Variants in GLS2 observed in about 807,000 individuals in gnomAD.
GLS2 encodes the protein glutaminase 2.
In GLS2, 52 loss-of-function variants were observed where a neutral mutation model predicts 79.0. The ratio of observed to expected loss-of-function variants is 0.66; its 90% confidence interval spans 0.53 to 0.83. The LOEUF (loss-of-function observed/expected upper bound fraction) is 0.83, where lower values mean the gene tolerates loss of function less well. Ranked by LOEUF, GLS2 falls within the 40% of genes least tolerant of loss-of-function variation. GLS2 has a pLI of 0.00. For missense variants in GLS2, 561 were observed against 764.8 expected (o/e 0.73, Z 3.14); for synonymous variants, 238 against 280.8 (o/e 0.85, Z 1.52).
Position 56,473,225 on chromosome 12 carries a change from T to C in GLS2, c.1449+3A>G. ...CTTACAAGCCACCTGGAGTTTTCCT[T>C]ACCCGAATTTCTGCCCCTTCACGCC... On this transcript the variant is annotated splice_donor_region_variant and intron_variant, in intron 14 of 17. Transcript: ENST00000311966. 1 of 1,613,880 alleles carries C rather than the reference T, an allele frequency of 6.2e-7. No homozygotes were observed. Among genetic ancestry groups the C allele is most frequent in the Non-Finnish European group, 8.5e-7 (1 of 1,179,798 alleles).
intron 6 of GLS2, 33 bp from the exon 7 acceptor site, chr12:56,477,751 C>T (rs1215451038): frequency 6.3e-7 from 1 of 1,598,364 alleles, no homozygotes; most frequent in Non-Finnish European, 8.5e-7. Context: ...GAGTCTTAGC[C>T]ACTGAACAAA....
In GLS2 at chr12:56,471,555, G is replaced by A. The variant is rs115701548; in HGVS notation, c.1741C>T (p.Leu581Phe). The A allele has an allele frequency of 8.9e-5, 143 of 1,614,206 alleles. No homozygotes were observed. In the African/African-American group the frequency reaches 1.7e-3, roughly 19 times the overall value. The change falls in exon 18 of 18, where the codon CTC becomes TTC. Residue 581 changes from leucine to phenylalanine, a missense_variant. By Grantham distance (22) the Leu-to-Phe change is conservative (BLOSUM62 0). This residue lies in a region of GLS2 where 136 missense variants were observed against 228.6 expected (regional missense o/e 0.59). Transcript: ENST00000311966. ...LLQDYQDSYT[L>F]SETQAEAAAE... Reference sequence around the variant, plus strand: ...GCTGCCTCAGCCTGAGTTTCAGAGAGTGTGTAGGAGTCCTGGTAATCTTGA... The same window carrying A: ...GCTGCCTCAGCCTGAGTTTCAGAGAATGTGTAGGAGTCCTGGTAATCTTGA...
intron 3 of GLS2, chr12:56,479,413 A>G (rs925970711): frequency 2.5e-5 from 12 of 489,544 alleles, no homozygotes; most frequent in Non-Finnish European, 4.2e-5. Flanking sequence ...GAGAAAAAAA[A>G]TAAATACCAG....
In GLS2 at chr12:56,472,709, C is replaced by T. The variant is rs982516597; in HGVS notation, c.1492G>A (p.Asp498Asn). Residue 498 changes from aspartate to asparagine, a missense_variant, in exon 15 of 18, where the codon GAT (aspartate) becomes AAT (asparagine). Coordinates refer to ENST00000311966, the MANE Select transcript of GLS2 (RefSeq NM_013267.4). ...VNLLFAAYSG[D>N]VSALRRFALS... is the part of the protein sequence containing the mutation. ...CATTACCTTCGAAGAGCTGAGACAT[C>T]GCCACTATAGGCAGCAAATAACAGG... The T allele has an allele frequency of 1.3e-5, 21 of 1,613,568 alleles. No homozygotes were observed. Among genetic ancestry groups the T allele is most frequent in the Non-Finnish European group, 1.5e-5 (18 of 1,179,848 alleles).
chr12:56,472,587 T>C (rs1869389058), intron 15 of GLS2, 103 bp downstream of exon 15: 1 of 1,075,110 alleles, frequency 9.3e-7, no homozygotes, highest in East Asian at 2.4e-5. Context: ...ATATCCATTC[T>C]AATTCCAAAG....
chr12:56,479,876 G>A lies in GLS2; in HGVS notation c.308C>T (p.Thr103Ile), dbSNP rs764855962. ...GCAGTCTCGGAGCCGAGGATCTGAT[G>A]TCTGCAGTCCAGTGGCCTTTAGTGC... The part of the protein sequence containing the change: ...TTALKATGLQ[T>I]SDPRLRDCMS... Residue 103 changes from threonine to isoleucine, a missense_variant, in exon 3 of 18, where the codon ACA becomes ATA. This residue lies in a region of GLS2 where 161 missense variants were observed against 167.8 expected (regional missense o/e 0.96). Coordinates refer to ENST00000311966, the MANE Select transcript of GLS2 (RefSeq NM_013267.4). 4 of 1,613,292 alleles carry A rather than the reference G, an allele frequency of 2.5e-6. No individual in the cohort carries two copies. The highest frequency in any genetic ancestry group is 2.2e-5 in the South Asian group (2 of 91,034).
At chr12:56,472,094 C>T in intron 16 of GLS2, 25 bp downstream of exon 16, 2 of 1,610,634 alleles carry the variant, frequency 1.2e-6, no homozygotes, top group Non-Finnish European at 1.7e-6. Context: ...TTACCCTCCT[C>T]CTCCCCTCCT....
At chr12:56,478,508 T>C in intron 4 of GLS2, 3 of 495,412 alleles carry the variant, frequency 6.1e-6, no homozygotes, top group Non-Finnish European at 1.1e-5. Flanking sequence ...AGGAGAATTC[T>C]GAGGCAACCT....
chr12:56,473,733 C>T lies in GLS2; in HGVS notation c.1225-139G>A. 4 of 1,023,082 alleles carry T rather than the reference C, an allele frequency of 3.9e-6. No homozygotes were observed. In the South Asian group the frequency reaches 8.1e-5, roughly 21 times the overall value. The allele number at this position is 1,023,082 out of a possible 1,614,324, so 63.4% of individuals were successfully genotyped here. On this transcript the variant is annotated intron_variant, in intron 12 of 17. Transcript: ENST00000311966. ...CTCAACCTTTTGGCTTGTTAATTAG[C>T]TTCTTTTATTACTCCTGTCCTTTCC...
chr12:56,479,516 G>A, intron 3 of GLS2: 1 of 417,232 alleles, frequency 2.4e-6, no homozygotes, highest in African/African-American at 2.0e-5. Context: ...CAGTACATAG[G>A]ACATTATCTA....
Position 56,474,541 on chromosome 12 carries a change from C to T in GLS2, c.1224+3G>A, listed in dbSNP as rs961690705. On this transcript the variant is annotated splice_donor_region_variant and intron_variant, in intron 12 of 17. Transcript: ENST00000311966. ...CAGATGGATAGCAGAGCCAGAAACT[C>T]ACGTGGAAGGCAAACTGGCCAGAGA... is the stretch of plus-strand genomic sequence containing the variant. 1 of 1,613,760 alleles carries T rather than the reference C, an allele frequency of 6.2e-7. No homozygotes were observed. Among genetic ancestry groups the T allele is most frequent in the Non-Finnish European group, 8.5e-7 (1 of 1,180,040 alleles).
intron 3 of GLS2, chr12:56,479,478 A>G (rs1870112016): frequency 2.6e-6 from 1 of 379,868 alleles, no homozygotes; most frequent in Non-Finnish European, 4.6e-6. Context: ...TCATAAAAGT[A>G]TATTTATATA....
intron 14 of GLS2, 116 bp downstream of exon 14, chr12:56,473,112 A>T (rs1029867797): frequency 3.7e-5 from 34 of 910,080 alleles, no homozygotes; most frequent in Admixed American, 2.4e-4. Context: ...GATGGTCTTG[A>T]TCTCCTGACC....
chr12:56,472,390 ATCCT>A (rs1216732258), intron 15 of GLS2, 195 bp from the exon 16 acceptor site: 8 of 614,158 alleles, frequency 1.3e-5, no homozygotes, highest in Non-Finnish European at 2.0e-5. Context: ...TGGGAATGTG[ATCCT>A]TCCAGAAATA....
At position 56,488,092 on chromosome 12, in the gene GLS2, C is replaced by G. The variant is rs573641266; in HGVS notation, c.27G>C (p.Lys9Asn). 6.4e-7 allele frequency: 1 copy of G among 1,564,396 alleles called. No individual in the cohort carries two copies. The highest frequency in any genetic ancestry group is 8.6e-7 in the Non-Finnish European group (1 of 1,161,986). ...AGTGACTGCCAGCCCGGCTCAGGGCCTTCTGCAGAGCCTTCATGGAGCGCA... is the reference window on the plus strand; with the variant it reads ...AGTGACTGCCAGCCCGGCTCAGGGCGTTCTGCAGAGCCTTCATGGAGCGCA... MRSMKALQKALSRAGSHCG... is the reference protein window; with the variant it reads MRSMKALQNALSRAGSHCG... The change falls in exon 1 of 18, where the codon AAG becomes AAC. Residue 9 changes from lysine to asparagine, a missense_variant. By Grantham distance (94) the Lys-to-Asn change is moderately conservative (BLOSUM62 0). This residue lies in a region of GLS2 where 161 missense variants were observed against 167.8 expected (regional missense o/e 0.96). Transcript: ENST00000311966.
At position 56,478,108 on chromosome 12, in the gene GLS2, CAG is replaced by C; in HGVS notation, c.615-14_615-13del. The stretch of plus-strand genomic sequence containing the variant: ...GGCCCACAGAGTGCCTGGAGGCAGA[CAG>C]ATGCCATGAAAGGGGTTGGCCTGTG... On this transcript the variant is annotated splice_polypyrimidine_tract_variant and intron_variant, in intron 5 of 17. Transcript: ENST00000311966. The C allele has an allele frequency of 6.2e-7, 1 of 1,613,962 alleles. No individual in the cohort carries two copies. The highest frequency in any genetic ancestry group is 2.2e-5 in the East Asian group (1 of 44,880).
rs1261119103 is a variant in GLS2, at chr12:56,475,680, C to T, written c.873G>A (p.Val291=). 4.5e-5 allele frequency: 73 copies of T among 1,614,058 alleles called. No homozygotes were observed. The highest frequency in any genetic ancestry group is 1.3e-4 in the Admixed American group (8 of 60,000). Residue 291 remains valine, a splice_region_variant and synonymous_variant, in exon 9 of 18, where the codon GTG becomes GTA. Transcript: ENST00000311966. The part of the protein sequence containing the change: ...DCNKAEKFDF[V]LQYLNKMAGN... ...CAGCCATTTTGTTGAGATACTGCAACACCTGGAAGAGAAAAAGGGACATTG... is the reference window on the plus strand; with the variant it reads ...CAGCCATTTTGTTGAGATACTGCAATACCTGGAAGAGAAAAAGGGACATTG...
At position 56,483,706 on chromosome 12, in the gene GLS2, T is replaced by C. The variant is rs777406080; in HGVS notation, c.183-3319A>G. ...AGTGATCCTTCTGCCTCAGCCTCCCTAGTAGCTGGGACTATAGGTGTATGC... is the reference window on the plus strand; with the variant it reads ...AGTGATCCTTCTGCCTCAGCCTCCCCAGTAGCTGGGACTATAGGTGTATGC... On this transcript the variant is annotated intron_variant, in intron 1 of 17. Coordinates refer to ENST00000311966, the MANE Select transcript of GLS2 (RefSeq NM_013267.4). 5.8e-4 allele frequency among the ~76,000 whole-genome samples: 88 copies of C among 152,068 alleles called. 1 individual carries two copies. Among genetic ancestry groups the C allele is most frequent in the Non-Finnish European group, 5.4e-4 (37 of 68,006 alleles).
intron 9 of GLS2, 182 bp downstream of exon 9, chr12:56,475,442 A>G: frequency 1.4e-6 from 1 of 719,486 alleles, no homozygotes; most frequent in South Asian, 1.9e-5. Flanking sequence ...TTAGAAATGG[A>G]ACAAATTATT....
Sources: gnomAD v4.1 joint callset for allele counts (sites outside exome capture counted in the v4.1 genomes callset) on GRCh38, gnomAD v4.1.1 for gene constraint, gnomAD v4.1.1 regional missense constraint, MANE v1.5 for transcripts, NCBI Gene and HGNC (gene_info 2026-07-23, HGNC 2026-07-21) for gene names.